CHST9: variants seen among roughly 807,000 people sequenced by gnomAD.
The protein encoded by CHST9 is carbohydrate sulfotransferase 9.
A neutral mutation model predicts 44.4 loss-of-function variants in CHST9; 41 were observed. That is an observed-to-expected ratio of 0.92 (90% CI 0.72 to 1.20). CHST9 has a LOEUF of 1.20. CHST9 is among the 50% of genes most tolerant of loss of function. The pLI, the probability that CHST9 is intolerant of heterozygous loss-of-function variation, is 0.00. For missense variants in CHST9, 504 were observed against 516.5 expected, an observed-to-expected ratio of 0.98 and a Z score of 0.23; for synonymous variants, 171 against 178.4, an observed-to-expected ratio of 0.96 and a Z score of 0.33.
At chr18:26,993,458 A>G (rs2056848786) in intron 4 of CHST9, among the ~76,000 whole-genome samples, 1 of 152,196 alleles carries the variant, frequency 6.6e-6, no homozygotes, top group Non-Finnish European at 1.5e-5. Context: ...GAATCCAAGA[A>G]AAGTTCTTTA....
At chr18:26,996,018 T>C (rs767980665) in intron 4 of CHST9, among the ~76,000 whole-genome samples, 5 of 152,204 alleles carry the variant, frequency 3.3e-5, no homozygotes, top group Non-Finnish European at 5.9e-5. Flanking sequence ...GTCTGGATGA[T>C]AGAGCCAGAT....
intron 3 of CHST9, among the ~76,000 whole-genome samples, chr18:27,027,963 G>C (rs958389389): frequency 3.3e-5 from 5 of 152,116 alleles, no homozygotes; most frequent in African/African-American, 9.7e-5. Flanking sequence ...GCAGTGGCGC[G>C]ATCTCGGCTC....
intron 2 of CHST9, among the ~76,000 whole-genome samples, chr18:27,109,748 T>C (rs1326639219): frequency 6.6e-6 from 1 of 152,180 alleles, no homozygotes; most frequent in Non-Finnish European, 1.5e-5. Context: ...CCTGGTGAAT[T>C]ATAAAATTGG....
intron 4 of CHST9, among the ~76,000 whole-genome samples, chr18:27,017,819 T>C (rs549006560): frequency 6.6e-6 from 1 of 152,346 alleles, no homozygotes; most frequent in South Asian, 2.1e-4. Flanking sequence ...AGAGATTCTA[T>C]TATTTTGTTT....
intron 2 of CHST9, among the ~76,000 whole-genome samples, chr18:27,114,953 G>A (rs1567921730): frequency 6.6e-6 from 1 of 152,138 alleles, no homozygotes; most frequent in Non-Finnish European, 1.5e-5. Flanking sequence ...GGAACCAGAT[G>A]GAGGTAATTG....
chr18:27,148,363 C>T (rs1378373791), intron 1 of CHST9, among the ~76,000 whole-genome samples: 1 of 151,258 alleles, frequency 6.6e-6, no homozygotes, highest in Non-Finnish European at 1.5e-5. Context: ...CCCATTAACT[C>T]GTCATTTAGC....
intron 3 of CHST9, among the ~76,000 whole-genome samples, chr18:27,024,613 T>C (rs77634294): frequency 1.7e-3 from 252 of 152,246 alleles, no homozygotes; most frequent in African/African-American, 5.6e-3. Flanking sequence ...TTGGGTGAAA[T>C]TGAGATAGAG....
intron 4 of CHST9, among the ~76,000 whole-genome samples, chr18:27,010,056 T>G (rs1337868912): frequency 6.6e-6 from 1 of 152,260 alleles, no homozygotes; most frequent in East Asian, 1.9e-4. Context: ...AGTCTTAGAC[T>G]GCAATATTTC....
At chr18:27,127,106 G>T (rs917536539) in intron 2 of CHST9, among the ~76,000 whole-genome samples, 2 of 152,042 alleles carry the variant, frequency 1.3e-5, no homozygotes, top group African/African-American at 4.8e-5. Context: ...TGAGTTTAAG[G>T]GGTCTGGAGA....
In CHST9 at chr18:26,925,752, T is replaced by C. The variant is rs549896343; in HGVS notation, c.241-8402A>G. 2.0e-5 allele frequency: 3 copies of C among 152,372 alleles called. No homozygotes were observed. In the South Asian group the frequency reaches 6.2e-4, roughly 32 times the overall value. The allele number at this position is 152,372 out of a possible 1,614,324, so 9.4% of individuals were successfully genotyped here. On this transcript the variant is annotated intron_variant, in intron 5 of 5. Coordinates refer to ENST00000618847, the MANE Select transcript of CHST9 (RefSeq NM_031422.6). Reference sequence around the variant, plus strand: ...ATCTACCTTGTTGGATTATAGGAAATGCCTGTAGAGATTCCTTAATGTAAA... The same window carrying C: ...ATCTACCTTGTTGGATTATAGGAAACGCCTGTAGAGATTCCTTAATGTAAA...
chr18:27,039,299 AAAAT>A (rs1292544241), intron 3 of CHST9, among the ~76,000 whole-genome samples: 2 of 152,216 alleles, frequency 1.3e-5, no homozygotes, highest in Non-Finnish European at 2.9e-5. Flanking sequence ...ATGGATAAAT[AAAAT>A]GCAATATATA....
chr18:27,047,050 C>T (rs1013763814), intron 3 of CHST9, among the ~76,000 whole-genome samples: 1 of 151,970 alleles, frequency 6.6e-6, no homozygotes, highest in South Asian at 2.1e-4. Context: ...TGAAAAGAAA[C>T]GTTAGCATGG....
intron 3 of CHST9, among the ~76,000 whole-genome samples, chr18:27,025,922 C>T (rs376779883): frequency 6.6e-6 from 1 of 152,220 alleles, no homozygotes; most frequent in East Asian, 1.9e-4. Flanking sequence ...GTCACTGAAT[C>T]AAGGAAGGAA....
chr18:27,123,802 C>T, intron 2 of CHST9, among the ~76,000 whole-genome samples: 1 of 152,166 alleles, frequency 6.6e-6, no homozygotes, highest in East Asian at 1.9e-4. Context: ...TTGCAAACCA[C>T]CACCACCACA....
At chr18:26,934,049 G>C (rs1294644829) in intron 5 of CHST9, among the ~76,000 whole-genome samples, 2 of 152,090 alleles carry the variant, frequency 1.3e-5, no homozygotes, top group African/African-American at 2.4e-5. Context: ...CAGGTGGAAG[G>C]ACAGAGGGCA....
intron 4 of CHST9, among the ~76,000 whole-genome samples, chr18:26,994,681 C>T (rs896006613): frequency 9.9e-5 from 15 of 152,088 alleles, no homozygotes; most frequent in African/African-American, 2.9e-4. Context: ...CCTCTGCCTC[C>T]TGGGTTCAAG....
At chr18:27,058,914 CATA>C (rs2057689701) in intron 2 of CHST9, among the ~76,000 whole-genome samples, 2 of 152,040 alleles carry the variant, frequency 1.3e-5, no homozygotes, top group Non-Finnish European at 2.9e-5. Flanking sequence ...TTCTTTTTTT[CATA>C]ATGAGAATAT....
At chr18:27,069,418 CT>C (rs1344233496) in intron 2 of CHST9, among the ~76,000 whole-genome samples, 1 of 152,088 alleles carries the variant, frequency 6.6e-6, no homozygotes, top group Non-Finnish European at 1.5e-5. Context: ...CTAAGAATTT[CT>C]TTTGTAAGTC....
intron 2 of CHST9, among the ~76,000 whole-genome samples, chr18:27,092,998 T>C (rs144058162): frequency 2.6e-5 from 4 of 152,256 alleles, no homozygotes; most frequent in African/African-American, 7.2e-5. Flanking sequence ...TGCAGGTCTG[T>C]TGGAGTTTGC....
Sources: gnomAD v4.1 joint callset for allele counts (sites outside exome capture counted in the v4.1 genomes callset) on GRCh38, gnomAD v4.1.1 for gene constraint, MANE v1.5 for transcripts, NCBI Gene and HGNC (gene_info 2026-07-23, HGNC 2026-07-21) for gene names.